ADAT1: variants seen among roughly 807,000 people sequenced by gnomAD.
The protein encoded by ADAT1 is adenosine deaminase tRNA specific 1, also known as tRNA-specific adenosine deaminase 1.
In ADAT1, 58 loss-of-function variants were observed where a neutral mutation model predicts 58.6. The ratio of observed to expected loss-of-function variants is 0.99; its 90% CI spans 0.80 to 1.23. The LOEUF is 1.23. ADAT1 is among the 50% of genes most tolerant of loss of function. The probability of loss-of-function intolerance (pLI) is 0.00; values close to 1 mark genes in which losing one functional copy is unlikely to be tolerated. For synonymous variants in ADAT1, 254 were observed against 220.8 expected, an observed-to-expected ratio of 1.15 and a Z score of -1.33; for missense variants, 741 against 608.6, an observed-to-expected ratio of 1.22 and a Z score of -2.29.
intron 9 of ADAT1, 136 bp from the exon 10 acceptor site, chr16:75,600,484 A>G (rs1312310926): frequency 5.0e-6 from 7 of 1,388,362 alleles, no homozygotes; most frequent in African/African-American, 4.3e-5. Context: ...TGCTTTTGTG[A>G]AAGTTGATCA....
In ADAT1 at chr16:75,612,651, G is replaced by A. The variant is rs1236906446; in HGVS notation, c.635C>T (p.Ala212Val). ...CTTGCCAAAACTCTGATGGTGAGCT[G>A]CTCCGTTGGTGACCTCCCTGGCTGC... ...GTAAREVTNG[A>V]AHHQSFGKQK... Residue 212 changes from alanine (A) to valine (V), a missense_variant, in exon 6 of 10, where the codon GCA becomes GTA. Coordinates refer to ENST00000564657, the MANE Select transcript of ADAT1 (RefSeq NM_001324445.2). 6.2e-7 allele frequency: 1 copy of A among 1,613,952 alleles called. No homozygotes were observed. Among genetic ancestry groups the A allele is most frequent in the Non-Finnish European group, 8.5e-7 (1 of 1,180,026 alleles).
intron 3 of ADAT1, among the ~76,000 whole-genome samples, chr16:75,619,010 C>A (rs1053500424): frequency 2.0e-5 from 3 of 152,170 alleles, no homozygotes; most frequent in African/African-American, 7.2e-5. Context: ...CAAATCACCC[C>A]CAGGTGAGAA....
chr16:75,620,117 GAGT>G, intron 3 of ADAT1, 146 bp downstream of exon 3: 1 of 709,936 alleles, frequency 1.4e-6, no homozygotes, highest in Non-Finnish European at 2.4e-6. Context: ...TTCTCCAAGT[GAGT>G]ACGGTCCTTC....
intron 3 of ADAT1, among the ~76,000 whole-genome samples, chr16:75,619,479 G>C (rs1162392139): frequency 6.6e-6 from 1 of 151,846 alleles, no homozygotes; most frequent in African/African-American, 2.4e-5. Flanking sequence ...CAAGGCTGCA[G>C]TGAGCTATGA....
Position 75,622,707 on chromosome 16 carries a change from T to A in ADAT1, c.-326A>T, listed in dbSNP as rs975959118. ...TTGAAAACTTGAAGAACTTCTTAGC[T>A]GAAAATAACAGCTCAGCTAAACAGG... On this transcript the variant is annotated 5_prime_UTR_variant, in exon 1 of 10. Coordinates refer to ENST00000564657, the MANE Select transcript of ADAT1 (RefSeq NM_001324445.2). The A allele has an allele frequency of 1.3e-5, 2 of 152,218 alleles. No homozygotes were observed. The highest frequency in any genetic ancestry group is 6.5e-5 in the Admixed American group (1 of 15,280). The allele number at this position is 152,218 out of a possible 1,614,324, so 9.4% of individuals were successfully genotyped here. A position where few individuals can be genotyped will look rare whatever the true frequency, so the allele number is the denominator to read the frequency against.
In ADAT1 at chr16:75,623,184, G is replaced by A. The variant is rs934521343; in HGVS notation, c.-803C>T. The A allele has an allele frequency of 6.6e-6, 1 of 152,342 alleles. No homozygotes were observed. The highest frequency in any genetic ancestry group is 2.4e-5 in the African/African-American group (1 of 41,480). The allele number at this position is 152,342 out of a possible 1,614,324, so 9.4% of individuals were successfully genotyped here. A position where few individuals can be genotyped will look rare whatever the true frequency, so the allele number is the denominator to read the frequency against. ...CTCAAAAACAGACTCGGCAAAGTTA[G>A]CCCGGATAAACCTGCCCCGTCGCCC... On this transcript the variant is annotated 5_prime_UTR_variant, in exon 1 of 10. Coordinates refer to ENST00000564657, the MANE Select transcript of ADAT1 (RefSeq NM_001324445.2).
In ADAT1 at chr16:75,612,611, T is replaced by C. The variant is rs1416833135; in HGVS notation, c.675A>G (p.Pro225=). The change falls in exon 6 of 10, where the codon CCA becomes CCG. Residue 225 remains proline (P), a synonymous_variant. Coordinates refer to ENST00000564657, the MANE Select transcript of ADAT1 (RefSeq NM_001324445.2). Reference sequence around the variant, plus strand: ...CACAGCTGTGGATGCCTGGTGAGATTGGGCCACTTTTCTGCTTGCCAAAAC... The same window carrying C: ...CACAGCTGTGGATGCCTGGTGAGATCGGGCCACTTTTCTGCTTGCCAAAAC... ...HQSFGKQKSG[P]ISPGIHSCDL... 1 of 1,613,978 alleles carries C rather than the reference T, an allele frequency of 6.2e-7. No individual in the cohort carries two copies. The highest frequency in any genetic ancestry group is 1.3e-5 in the African/African-American group (1 of 74,914).
intron 6 of ADAT1, 55 bp downstream of exon 6, chr16:75,612,175 TCTTAGGCCTTACC>T: frequency 6.5e-7 from 1 of 1,543,678 alleles, no homozygotes; most frequent in Non-Finnish European, 8.8e-7. Context: ...TTCTTAATGC[TCTTAGGCCTTACC>T]CTCAGACTGC....
chr16:75,601,603 C>G (rs2081232657), intron 9 of ADAT1, among the ~76,000 whole-genome samples: 1 of 148,276 alleles, frequency 6.7e-6, no homozygotes, highest in Non-Finnish European at 1.5e-5. Context: ...CTAACTATAC[C>G]AAAAATTAGC....
intron 8 of ADAT1, among the ~76,000 whole-genome samples, chr16:75,606,738 C>T (rs1198363394): frequency 1.3e-5 from 2 of 152,170 alleles, no homozygotes; most frequent in Non-Finnish European, 2.9e-5. Context: ...CAATTCCAGA[C>T]CCACATAACT....
chr16:75,618,598 C>T lies in ADAT1; in HGVS notation c.281G>A (p.Arg94Lys). The change falls in exon 4 of 10, where the codon AGG becomes AAG. Residue 94 changes from arginine to lysine, a missense_variant. Transcript: ENST00000564657. ...NDSHAEVIAR[R>K]SFQRYLLHQL... is the part of the protein sequence containing the mutation. Reference sequence around the variant, plus strand: ...GATGTGGCTTTACCTTTGGAAACTCCTTCTGGCTATGACCTCAGCATGGCT... The same window carrying T: ...GATGTGGCTTTACCTTTGGAAACTCTTTCTGGCTATGACCTCAGCATGGCT... 1 of 1,608,474 alleles carries T rather than the reference C, an allele frequency of 6.2e-7. No individual in the cohort carries two copies. The highest frequency in any genetic ancestry group is 8.5e-7 in the Non-Finnish European group (1 of 1,177,830).
chr16:75,608,505 A>G, intron 7 of ADAT1, 182 bp from the exon 8 acceptor site: 5 of 589,454 alleles, frequency 8.5e-6, no homozygotes, highest in Non-Finnish European at 1.5e-5. Flanking sequence ...TTCATAATTC[A>G]TTATTATTAT....
intron 4 of ADAT1, 44 bp downstream of exon 4, chr16:75,618,542 C>T: frequency 1.4e-6 from 2 of 1,411,338 alleles, no homozygotes; most frequent in Middle Eastern, 1.9e-4. Context: ...TCCGGGACTC[C>T]CACCCCAGTC....
rs1281163890 is a variant in ADAT1, at chr16:75,617,083, A to G, written c.424+59T>C. 28 of 1,546,752 alleles carry G rather than the reference A, an allele frequency of 1.8e-5. No homozygotes were observed. The East Asian group carries it at 6.2e-4, about 34-fold the overall frequency. On this transcript the variant is annotated intron_variant, in intron 5 of 9. Transcript: ENST00000564657. Reference sequence around the variant, plus strand: ...TTTAGGAAAAAACCTACCTATGGATAACACAAACATAAGGAAGTAGTTCAT... The same window carrying G: ...TTTAGGAAAAAACCTACCTATGGATGACACAAACATAAGGAAGTAGTTCAT...
chr16:75,618,317 C>T (rs1395240254), intron 4 of ADAT1, among the ~76,000 whole-genome samples: 1 of 151,706 alleles, frequency 6.6e-6, no homozygotes, highest in African/African-American at 2.4e-5. Context: ...CCAGCCTGGC[C>T]AGCATGGTGA....
rs1198563521 is a variant in ADAT1 at position 75,599,261 on chromosome 16, T to C, written c.*955A>G. On this transcript the variant is annotated 3_prime_UTR_variant, in exon 10 of 10. Transcript: ENST00000564657. ...CATGCCCGGCTAGTTTTTGCATTTT[T>C]AGTAGAGACAGGGTTTCACCAGGTT... The C allele has an allele frequency of 4.7e-6, 4 of 846,308 alleles. No individual in the cohort carries two copies. In the East Asian group the frequency reaches 4.9e-4, roughly 104 times the overall value. The allele number at this position is 846,308 out of a possible 1,614,324, so 52.4% of individuals were successfully genotyped here.
chr16:75,614,495 G>T (rs367777556), intron 5 of ADAT1, among the ~76,000 whole-genome samples: 5 of 152,218 alleles, frequency 3.3e-5, no homozygotes, highest in African/African-American at 1.2e-4. Flanking sequence ...TAATACATCT[G>T]TAATCTTTAT....
At chr16:75,607,097 G>A (rs567200529) in intron 8 of ADAT1, among the ~76,000 whole-genome samples, 1 of 152,122 alleles carries the variant, frequency 6.6e-6, no homozygotes, top group South Asian at 2.1e-4. Context: ...GGGCGTGGTG[G>A]CGGGCATCTG....
intron 3 of ADAT1, chr16:75,619,584 C>T (rs2081861748): frequency 2.2e-6 from 1 of 454,668 alleles, no homozygotes; most frequent in Non-Finnish European, 4.4e-6. Context: ...AAGGAATTTT[C>T]ATATTCTTGT....
Sources: gnomAD v4.1 joint callset for allele counts (sites outside exome capture counted in the v4.1 genomes callset) on GRCh38, gnomAD v4.1.1 for gene constraint, MANE v1.5 for transcripts, NCBI Gene and HGNC (gene_info 2026-07-23, HGNC 2026-07-21) for gene names.